MITF: variants seen among roughly 807,000 people sequenced by gnomAD.
MITF encodes the protein microphthalmia-associated transcription factor.
Under a neutral mutation model 60.5 loss-of-function variants are expected in MITF, and 17 were observed. The ratio of observed to expected loss-of-function variants is 0.28; its 90% CI spans 0.19 to 0.42. The LOEUF (loss-of-function observed/expected upper bound fraction) is 0.42, where lower values mean the gene tolerates loss of function less well. Among genes scored for constraint, MITF ranks in the 10% least tolerant of loss-of-function variants. The pLI is 1.00. For missense variants in MITF, 622 were observed against 683.5 expected, an observed-to-expected ratio of 0.91 and a Z score of 1.00; for synonymous variants, 260 against 248.5, an observed-to-expected ratio of 1.05 and a Z score of -0.43.
chr3:69,907,724 C>G (rs1301507942), intron 2 of MITF, among the ~76,000 whole-genome samples: 1 of 152,154 alleles, frequency 6.6e-6, no homozygotes, highest in Non-Finnish European at 1.5e-5. Flanking sequence ...CATTGGCTCT[C>G]TTTTTCAGTA....
At chr3:69,789,808 A>T (rs2062710077) in intron 1 of MITF, among the ~76,000 whole-genome samples, 1 of 152,102 alleles carries the variant, frequency 6.6e-6, no homozygotes, top group Non-Finnish European at 1.5e-5. Flanking sequence ...ATGAATGGAG[A>T]TCGCACCACT....
chr3:69,919,943 T>C, intron 2 of MITF, among the ~76,000 whole-genome samples: 1 of 152,094 alleles, frequency 6.6e-6, no homozygotes, highest in East Asian at 1.9e-4. Flanking sequence ...TCCAGTATAA[T>C]AAAATATAAA....
rs904991288 is a variant in MITF, at chr3:69,964,752, A to G, written c.1180-95A>G. ...TTTGGCCAAATGTCTAATGACGCGC[A>G]TCTACCATTATAGTATCATATAGAG... On this transcript the variant is annotated intron_variant, in intron 9 of 9. Coordinates refer to ENST00000352241, the MANE Select transcript of MITF (RefSeq NM_001354604.2). 8 of 1,102,606 alleles carry G rather than the reference A, an allele frequency of 7.3e-6. No homozygotes were observed. The African/African-American group carries it at 7.8e-5, about 11-fold the overall frequency. 68.3% of individuals were successfully genotyped at this position (1,102,606 alleles called of 1,614,324 possible).
intron 1 of MITF, among the ~76,000 whole-genome samples, chr3:69,831,233 A>G (rs760026949): frequency 2.0e-5 from 3 of 152,208 alleles, no homozygotes; most frequent in Middle Eastern, 3.2e-3. Context: ...GCCGTTAACA[A>G]TTATGCTTCC....
At chr3:69,930,491 A>G (rs1341537426) in intron 2 of MITF, among the ~76,000 whole-genome samples, 2 of 152,160 alleles carry the variant, frequency 1.3e-5, no homozygotes, top group Non-Finnish European at 2.9e-5. Context: ...GTTCCTGCCA[A>G]TCTGCCTGGC....
chr3:69,936,563 A>T, intron 2 of MITF: 1 of 1,470,334 alleles, frequency 6.8e-7, no homozygotes, highest in Non-Finnish European at 9.0e-7. Flanking sequence ...TTAGGTTATT[A>T]TAAGCAGGGC....
chr3:69,841,189 G>T (rs533022676), intron 1 of MITF, among the ~76,000 whole-genome samples: 13 of 152,114 alleles, frequency 8.5e-5, no homozygotes, highest in Non-Finnish European at 1.8e-4. Flanking sequence ...ATATATCTTC[G>T]ATGTAATTTA....
chr3:69,960,585 A>C (rs76152915), intron 9 of MITF, among the ~76,000 whole-genome samples: 2 of 152,130 alleles, frequency 1.3e-5, no homozygotes. Context: ...AACACAACCT[A>C]TCTGTAAGAG....
At chr3:69,906,011 T>C (rs1388635608) in intron 2 of MITF, among the ~76,000 whole-genome samples, 1 of 152,172 alleles carries the variant, frequency 6.6e-6, no homozygotes, top group Non-Finnish European at 1.5e-5. Context: ...TGTAAATTAA[T>C]CATACTTTTA....
At chr3:69,845,939 A>G (rs948363063) in intron 1 of MITF, among the ~76,000 whole-genome samples, 12 of 152,318 alleles carry the variant, frequency 7.9e-5, no homozygotes, top group African/African-American at 2.6e-4. Flanking sequence ...TCATTCACCA[A>G]ATGTTTATTG....
At chr3:69,850,199 A>C (rs955019416) in intron 1 of MITF, among the ~76,000 whole-genome samples, 2 of 152,188 alleles carry the variant, frequency 1.3e-5, no homozygotes, top group African/African-American at 4.8e-5. Context: ...ATAATAGGAT[A>C]ATATTTTTGG....
intron 1 of MITF, among the ~76,000 whole-genome samples, chr3:69,862,073 A>G (rs1218840931): frequency 4.0e-5 from 6 of 151,358 alleles, no homozygotes; most frequent in African/African-American, 9.7e-5. Flanking sequence ...TTATAATGTT[A>G]TATTATATAT....
chr3:69,886,154 T>A (rs989058532), intron 2 of MITF, among the ~76,000 whole-genome samples: 2 of 152,106 alleles, frequency 1.3e-5, no homozygotes. Context: ...GAGATAGCAA[T>A]GTTCAGCCTC....
At chr3:69,773,782 T>G (rs985212690) in intron 1 of MITF, among the ~76,000 whole-genome samples, 1 of 152,204 alleles carries the variant, frequency 6.6e-6, no homozygotes, top group Non-Finnish European at 1.5e-5. Flanking sequence ...ATGTTAAAGG[T>G]TGCTTGAAGG....
chr3:69,918,208 G>A (rs2107416471), intron 2 of MITF, among the ~76,000 whole-genome samples: 1 of 152,158 alleles, frequency 6.6e-6, no homozygotes, highest in South Asian at 2.1e-4. Context: ...GGGATTACAG[G>A]AGTTCACCAC....
intron 2 of MITF, among the ~76,000 whole-genome samples, chr3:69,906,496 G>A (rs1250971034): frequency 3.3e-5 from 5 of 152,068 alleles, no homozygotes; most frequent in African/African-American, 1.2e-4. Flanking sequence ...TGTTGCTTTG[G>A]TTAATAAGTG....
intron 2 of MITF, among the ~76,000 whole-genome samples, chr3:69,927,127 T>C (rs1199545469): frequency 6.6e-6 from 1 of 152,240 alleles, no homozygotes; most frequent in East Asian, 1.9e-4. Context: ...ATTAGTTTTT[T>C]TTTTTGGCTT....
rs111735673 is a variant in MITF at position 69,813,676 on chromosome 3, T to C, written c.105-65458T>C. Reference sequence around the variant, plus strand: ...AAGTTCATTTTCAGTGAAGTATGAATGGAGTATACAATACCGTTCTTTTTA... The same window carrying C: ...AAGTTCATTTTCAGTGAAGTATGAACGGAGTATACAATACCGTTCTTTTTA... On this transcript the variant is annotated intron_variant, in intron 1 of 9. Coordinates refer to ENST00000352241, the MANE Select transcript of MITF (RefSeq NM_001354604.2). 7.7e-3 allele frequency among the ~76,000 whole-genome samples: 1,171 copies of C among 152,340 alleles called. 5 individuals are homozygous for C. Among genetic ancestry groups the C allele is most frequent in the Non-Finnish European group, 0.013 (879 of 68,022 alleles).
chr3:69,907,264 G>A (rs1344380623), intron 2 of MITF, among the ~76,000 whole-genome samples: 1 of 152,144 alleles, frequency 6.6e-6, no homozygotes, highest in Non-Finnish European at 1.5e-5. Context: ...TCCTGTCTAT[G>A]ATTTCTTCTG....
Sources: allele counts gnomAD v4.1 joint callset (sites outside exome capture counted in the v4.1 genomes callset), GRCh38; gene constraint gnomAD v4.1.1; transcripts MANE v1.5; gene names NCBI Gene and HGNC (gene_info 2026-07-23, HGNC 2026-07-21).